The following CNTN6 variants were observed in gnomAD, a reference collection of about 807,000 sequenced individuals.
The protein encoded by CNTN6 is contactin 6, also known as contactin-6.
In CNTN6, 137 loss-of-function variants were observed where a neutral mutation model predicts 122.8. The observed-to-expected ratio is 1.12, with a 90% CI of 0.97 to 1.29. The LOEUF is 1.29. Among genes scored for constraint, CNTN6 ranks in the 50% most tolerant of loss-of-function variants. The pLI is 0.00. For missense variants in CNTN6, 1,634 were observed against 1,223.4 expected (o/e 1.34, Z -5.01); for synonymous variants, 570 against 426.0 (o/e 1.34, Z -4.16).
intron 17 of CNTN6, among the ~76,000 whole-genome samples, chr3:1,381,359 T>C (rs983074853): frequency 6.6e-6 from 1 of 152,194 alleles, no homozygotes; most frequent in Non-Finnish European, 1.5e-5. Flanking sequence ...AGCAGCACTT[T>C]TCTTCCTCTT....
intron 1 of CNTN6, among the ~76,000 whole-genome samples, chr3:1,095,656 A>C (rs2124915537): frequency 6.6e-6 from 1 of 152,382 alleles, no homozygotes; most frequent in African/African-American, 2.4e-5. Context: ...AGTTAAGACC[A>C]AAAATTTTGA....
intron 1 of CNTN6, among the ~76,000 whole-genome samples, chr3:1,118,178 C>G (rs377624675): frequency 6.6e-6 from 1 of 152,202 alleles, no homozygotes; most frequent in East Asian, 1.9e-4. Context: ...TCATTTATGC[C>G]TGTATTATCA....
chr3:1,134,561 A>G (rs528461819), intron 1 of CNTN6, among the ~76,000 whole-genome samples: 1 of 152,138 alleles, frequency 6.6e-6, no homozygotes, highest in Admixed American at 6.6e-5. Context: ...GTTTTGTCCC[A>G]AGTCACCTAC....
At position 1,137,838 on chromosome 3, in the gene CNTN6, C is replaced by A. The variant is rs753436887; in HGVS notation, c.-82-10089C>A. Among the ~76,000 whole-genome samples the A allele has an allele frequency of 7.6e-4, 116 of 152,252 alleles. 1 individual carries two copies. The highest frequency in any genetic ancestry group is 3.4e-3 in the Middle Eastern group (1 of 294). On this transcript the variant is annotated intron_variant, in intron 1 of 22. Transcript: ENST00000446702. ...AGGTTTCAAAGCCAGTGCACTTAAC[C>A]ACTGGCTAAACAATTCTACTTGTTA...
chr3:1,194,561 C>G (rs1360230338), intron 2 of CNTN6, among the ~76,000 whole-genome samples: 1 of 151,958 alleles, frequency 6.6e-6, no homozygotes, highest in Admixed American at 6.6e-5. Context: ...ATACTTACAT[C>G]TCTTATCTAG....
At chr3:1,255,773 A>G (rs2094747649) in intron 4 of CNTN6, among the ~76,000 whole-genome samples, 1 of 152,160 alleles carries the variant, frequency 6.6e-6, no homozygotes, top group South Asian at 2.1e-4. Flanking sequence ...CCTGGGCTCA[A>G]GCAATCGTTT....
chr3:1,190,404 T>C (rs1342145105), intron 2 of CNTN6, among the ~76,000 whole-genome samples: 1 of 152,192 alleles, frequency 6.6e-6, no homozygotes, highest in Non-Finnish European at 1.5e-5. Flanking sequence ...CAATGTCTCT[T>C]CTCCTATTAG....
In CNTN6 at chr3:1,160,425, C is replaced by T. The variant is rs1039594674; in HGVS notation, c.55+12362C>T. ...TCTTTCATTTCTGGCTTGTTTCATT[C>T]AATATCGGGTTTGTGAGATTCATCC... On this transcript the variant is annotated intron_variant, in intron 2 of 22. Transcript: ENST00000446702. Among the ~76,000 whole-genome samples, 30 of 145,006 alleles carry T rather than the reference C, an allele frequency of 2.1e-4. No individual in the cohort carries two copies. The South Asian group carries it at 6.6e-3, about 32-fold the overall frequency.
chr3:1,359,820 C>A (rs2126100022), intron 12 of CNTN6, among the ~76,000 whole-genome samples: 1 of 152,166 alleles, frequency 6.6e-6, no homozygotes, highest in Admixed American at 6.6e-5. Context: ...TGTTCGTTTG[C>A]CTGCTTTTCT....
intron 7 of CNTN6, among the ~76,000 whole-genome samples, chr3:1,301,301 C>G (rs377126246): frequency 6.6e-6 from 1 of 152,052 alleles, no homozygotes; most frequent in East Asian, 1.9e-4. Flanking sequence ...TCCCAAAGTG[C>G]TGGTATTACA....
intron 4 of CNTN6, among the ~76,000 whole-genome samples, chr3:1,271,546 T>C (rs1344631632): frequency 6.6e-6 from 1 of 152,118 alleles, no homozygotes; most frequent in Non-Finnish European, 1.5e-5. Flanking sequence ...GGTGCATAGC[T>C]CTCTATGTTG....
intron 20 of CNTN6, among the ~76,000 whole-genome samples, chr3:1,386,609 A>AT (rs879666483): frequency 9.2e-5 from 14 of 152,110 alleles, no homozygotes; most frequent in African/African-American, 1.7e-4. Flanking sequence ...CTGTAAGATG[A>AT]TTTTTTTGTG....
chr3:1,191,167 C>G lies in CNTN6; in HGVS notation c.56-29520C>G, dbSNP rs569148896. Among the ~76,000 whole-genome samples the G allele has an allele frequency of 4.6e-5, 7 of 151,888 alleles. 1 individual carries two copies. The South Asian group carries it at 1.5e-3, about 32-fold the overall frequency. ...TTTGTCCTAGTATTTGTTTTTTGTC[C>G]CTGGTTCCTGACACAGAACTCTGGA... is the stretch of plus-strand genomic sequence containing the variant. On this transcript the variant is annotated intron_variant, in intron 2 of 22. Transcript: ENST00000446702.
In CNTN6 at chr3:1,377,032, A is replaced by T; in HGVS notation, c.2123A>T (p.His708Leu). 6.2e-7 allele frequency: 1 copy of T among 1,607,320 alleles called. No homozygotes were observed. Among genetic ancestry groups the T allele is most frequent in the Non-Finnish European group, 8.5e-7 (1 of 1,176,462 alleles). The change falls in exon 17 of 23, where the codon CAT (histidine) becomes CTT (leucine). Residue 708 changes from histidine (H) to leucine (L), a missense_variant. His to Leu is a moderately conservative substitution (Grantham distance 99). Coordinates refer to ENST00000446702, the MANE Select transcript of CNTN6 (RefSeq NM_001289080.2). The part of the protein sequence containing the change: ...SVPVVAPVNI[H>L]GGGGSRSELV... ...CCTGTTGTGGCACCAGTAAACATCC[A>T]TGGAGGTGGAGGAAGTCGGTCTGAA...
At chr3:1,333,200 G>A (rs2126010740) in intron 11 of CNTN6, among the ~76,000 whole-genome samples, 3 of 151,974 alleles carry the variant, frequency 2.0e-5, no homozygotes, top group Non-Finnish European at 4.4e-5. Flanking sequence ...AAGGTTGACT[G>A]GGCAATTTAT....
At chr3:1,233,110 G>T (rs1257059797) in intron 4 of CNTN6, among the ~76,000 whole-genome samples, 1 of 152,070 alleles carries the variant, frequency 6.6e-6, no homozygotes, top group East Asian at 1.9e-4. Flanking sequence ...CAAACAATAG[G>T]ATAATTTAGA....
chr3:1,307,876 A>G (rs1206865353), intron 7 of CNTN6, among the ~76,000 whole-genome samples: 1 of 152,170 alleles, frequency 6.6e-6, no homozygotes, highest in African/African-American at 2.4e-5. Flanking sequence ...ACTTTATCAT[A>G]ATGATTTATG....
intron 12 of CNTN6, among the ~76,000 whole-genome samples, chr3:1,361,840 A>G (rs1707509900): frequency 6.6e-6 from 1 of 152,164 alleles, no homozygotes; most frequent in South Asian, 2.1e-4. Context: ...GGAGAAAACA[A>G]AAGCACAGAG....
At chr3:1,213,519 C>T (rs935052017) in intron 2 of CNTN6, among the ~76,000 whole-genome samples, 32 of 151,814 alleles carry the variant, frequency 2.1e-4, no homozygotes, top group Admixed American at 1.6e-3. Flanking sequence ...TTTAATCATT[C>T]AAACTATGAA....
Sources: allele counts gnomAD v4.1 joint callset (sites outside exome capture counted in the v4.1 genomes callset), GRCh38; gene constraint gnomAD v4.1.1; transcripts MANE v1.5; gene names NCBI Gene and HGNC (gene_info 2026-07-23, HGNC 2026-07-21).